The following GPRIN3 variants were observed in gnomAD, a reference collection of about 807,000 sequenced individuals.
GPRIN3 encodes GPRIN family member 3.
Under a neutral mutation model 13.7 loss-of-function variants are expected in GPRIN3, and 12 were observed. The ratio of observed to expected loss-of-function variants is 0.87; its 90% CI spans 0.56 to 1.42. GPRIN3 has a LOEUF of 1.42. Ranked by LOEUF, GPRIN3 falls within the 40% of genes most tolerant of loss-of-function variation. The pLI, the probability that GPRIN3 is intolerant of heterozygous loss-of-function variation, is 0.00. For synonymous variants in GPRIN3, 377 were observed against 372.7 expected (o/e 1.01, Z -0.13); for missense variants, 1,009 against 958.7 (o/e 1.05, Z -0.69).
rs1271701139 is a variant in GPRIN3, at chr4:89,249,547, C to T, written c.564G>A (p.Glu188=). The T allele has an allele frequency of 6.2e-7, 1 of 1,614,150 alleles. No individual in the cohort carries two copies. The highest frequency in any genetic ancestry group is 1.1e-5 in the South Asian group (1 of 91,072). The stretch of plus-strand genomic sequence containing the variant: ...CCTGGATTGTTTCTGGAGAAGGAAA[C>T]TCACAGGACACCTGATCTTTGCTGC... ...LSSSKDQVSC[E]FPSPETIQGT... The change falls in exon 2 of 2, where the codon GAG becomes GAA. Residue 188 remains glutamate (E), a synonymous_variant. Transcript: ENST00000609438.
intron 1 of GPRIN3, among the ~76,000 whole-genome samples, chr4:89,290,959 A>G (rs1301202755): frequency 6.6e-6 from 1 of 152,182 alleles, no homozygotes; most frequent in Non-Finnish European, 1.5e-5. Context: ...CTGTCAGCTG[A>G]CATCCAGGGT....
chr4:89,291,463 T>TA (rs1235577214), intron 1 of GPRIN3, among the ~76,000 whole-genome samples: 2 of 152,236 alleles, frequency 1.3e-5, no homozygotes, highest in African/African-American at 4.8e-5. Context: ...TTAATTAGCA[T>TA]AATGTACTTG....
chr4:89,274,528 A>G (rs957958648), intron 1 of GPRIN3, among the ~76,000 whole-genome samples: 7 of 152,328 alleles, frequency 4.6e-5, no homozygotes, highest in Middle Eastern at 3.4e-3. Context: ...GATAGTAATC[A>G]TGTTGATTTT....
At chr4:89,276,701 A>C (rs1724103285) in intron 1 of GPRIN3, among the ~76,000 whole-genome samples, 1 of 152,240 alleles carries the variant, frequency 6.6e-6, no homozygotes, top group African/African-American at 2.4e-5. Context: ...GCCTATTAGC[A>C]CAGTACAGTG....
chr4:89,274,546 T>C (rs1418656542), intron 1 of GPRIN3, among the ~76,000 whole-genome samples: 2 of 152,148 alleles, frequency 1.3e-5, no homozygotes, highest in Non-Finnish European at 2.9e-5. Flanking sequence ...TTTCACAGTG[T>C]CCCTGAAGGC....
rs140505056 is a variant in GPRIN3, at chr4:89,248,106, C to T, written c.2005G>A (p.Ala669Thr). The change falls in exon 2 of 2, where the codon GCA (alanine) becomes ACA (threonine). Residue 669 changes from alanine (A) to threonine (T), a missense_variant. Coordinates refer to ENST00000609438, the MANE Select transcript of GPRIN3 (RefSeq NM_198281.3). ...TPGDKKKQLG[A>T]DSKLQLKQSK... ...TGTTTCAGCTGGAGCTTGGAGTCTG[C>T]GCCAAGCTGCTTTTTCTTATCTCCT... The T allele has an allele frequency of 3.4e-5, 55 of 1,614,022 alleles. No homozygotes were observed. Among genetic ancestry groups the T allele is most frequent in the African/African-American group, 6.7e-5 (5 of 74,914 alleles).
In GPRIN3 at chr4:89,247,771, T is replaced by C. The variant is rs752570965; in HGVS notation, c.*9A>G. 1.9e-6 allele frequency: 3 copies of C among 1,594,990 alleles called. No individual in the cohort carries two copies. The highest frequency in any genetic ancestry group is 1.7e-5 in the Admixed American group (1 of 58,640). ...AAATTTATACACAAACTCCCATAAA[T>C]ACTCCCTTTCAATCTAACACAGAAG... On this transcript the variant is annotated 3_prime_UTR_variant, in exon 2 of 2. Coordinates refer to ENST00000609438, the MANE Select transcript of GPRIN3 (RefSeq NM_198281.3).
Position 89,248,946 on chromosome 4 carries a change from T to A in GPRIN3, c.1165A>T (p.Met389Leu), listed in dbSNP as rs76496030. 6.2e-6 allele frequency: 10 copies of A among 1,614,186 alleles called. No individual in the cohort carries two copies. In the African/African-American group the frequency reaches 8.0e-5, roughly 13 times the overall value. The change falls in exon 2 of 2, where the codon ATG becomes TTG. Residue 389 changes from methionine to leucine, a missense_variant. Transcript: ENST00000609438. ...GCTGCCTGAATGTGCACCTGTGGCA[T>A]GATGCCAGGGCACTGGCTGGACTCC... ...PQESSQCPGIMPQVHIQAAAA... is the reference protein window; with the variant it reads ...PQESSQCPGILPQVHIQAAAA...
chr4:89,296,156 T>C lies in GPRIN3; in HGVS notation c.-124+11459A>G, dbSNP rs79263680. On this transcript the variant is annotated intron_variant, in intron 1 of 1. Coordinates refer to ENST00000609438, the MANE Select transcript of GPRIN3 (RefSeq NM_198281.3). Reference sequence around the variant, plus strand: ...CTGTGTTACCTCCGGGAACAAAGAGTTTGAATTCTGAAATGACATGAGGTG... The same window carrying C: ...CTGTGTTACCTCCGGGAACAAAGAGCTTGAATTCTGAAATGACATGAGGTG... Among the ~76,000 whole-genome samples, 626 of 151,960 alleles carry C rather than the reference T, an allele frequency of 4.1e-3. 4 individuals are homozygous for C. Among genetic ancestry groups the C allele is most frequent in the South Asian group, 0.019 (93 of 4,806 alleles).
rs2149250868 is a variant in GPRIN3, at chr4:89,246,599, A to C, written c.*1181T>G. ...TATGGGTATTTCTCTTAAAATCAAT[A>C]AGTTTGCAGAAGTTACCTTTTTACT... On this transcript the variant is annotated 3_prime_UTR_variant, in exon 2 of 2. Transcript: ENST00000609438. The C allele has an allele frequency of 6.6e-6, 1 of 152,334 alleles. No homozygotes were observed. Among genetic ancestry groups the C allele is most frequent in the Non-Finnish European group, 1.5e-5 (1 of 68,042 alleles). 9.4% of individuals were successfully genotyped at this position (152,334 alleles called of 1,614,324 possible). A position where few individuals can be genotyped will look rare whatever the true frequency, so the allele number is the denominator to read the frequency against.
chr4:89,289,243 C>T (rs1002159992), intron 1 of GPRIN3, among the ~76,000 whole-genome samples: 7 of 151,246 alleles, frequency 4.6e-5, no homozygotes, highest in Non-Finnish European at 8.8e-5. Context: ...ATAATAAGTG[C>T]GGGCCAGATA....
In GPRIN3 at chr4:89,245,622, T is replaced by C. The variant is rs6532145; in HGVS notation, c.*2158A>G. ...ATTACCTGGGGCCACCCATCTGGAG[T>C]AGGCCCTGTTGACAGCTGCTACTGT... is the stretch of plus-strand genomic sequence containing the variant. On this transcript the variant is annotated 3_prime_UTR_variant, in exon 2 of 2. Coordinates refer to ENST00000609438, the MANE Select transcript of GPRIN3 (RefSeq NM_198281.3). 0.41 allele frequency: 62,756 copies of C among 151,888 alleles called. 13,271 individuals carry two copies. The highest frequency in any genetic ancestry group is 0.56 in the South Asian group (2,698 of 4,814). The allele number at this position is 151,888 out of a possible 1,614,324, so 9.4% of individuals were successfully genotyped here.
chr4:89,300,646 A>G (rs1355953877), intron 1 of GPRIN3, among the ~76,000 whole-genome samples: 1 of 152,136 alleles, frequency 6.6e-6, no homozygotes, highest in African/African-American at 2.4e-5. Context: ...TGCTCTGAGA[A>G]TCCACTTGGG....
At position 89,247,863 on chromosome 4, in the gene GPRIN3, G is replaced by A. The variant is rs368769094; in HGVS notation, c.2248C>T (p.His750Tyr). ...TGCAGCATGGACTGGAAAACACTGT[G>A]CTGCCTTCCTCTGAGCTTCTTATTT... ...SSNKKLRGRQHSVFQSMLQNF... is the reference protein window; with the variant it reads ...SSNKKLRGRQYSVFQSMLQNF... The change falls in exon 2 of 2, where the codon CAC becomes TAC. Residue 750 changes from histidine to tyrosine, a missense_variant. Transcript: ENST00000609438. 6.2e-7 allele frequency: 1 copy of A among 1,614,166 alleles called. No homozygotes were observed.
Position 89,248,848 on chromosome 4 carries a change from T to C in GPRIN3, c.1263A>G (p.Ser421=), listed in dbSNP as rs540560055. The part of the protein sequence containing the change: ...ASLPGGVLKT[S]SINLVSSNAQ... ...CATTACTGGAGACCAAATTGATTGATGAGGTTTTAAGGACCCCACCTGGTA... is the reference window on the plus strand; with the variant it reads ...CATTACTGGAGACCAAATTGATTGACGAGGTTTTAAGGACCCCACCTGGTA... Residue 421 remains serine (S), a synonymous_variant, in exon 2 of 2, where the codon TCA becomes TCG. Coordinates refer to ENST00000609438, the MANE Select transcript of GPRIN3 (RefSeq NM_198281.3). The C allele has an allele frequency of 1.2e-5, 20 of 1,614,180 alleles. No homozygotes were observed. The highest frequency in any genetic ancestry group is 1.7e-5 in the Admixed American group (1 of 60,028).
chr4:89,296,228 T>C (rs1724729163), intron 1 of GPRIN3, among the ~76,000 whole-genome samples: 1 of 152,118 alleles, frequency 6.6e-6, no homozygotes, highest in African/African-American at 2.4e-5. Context: ...ATAAGACTAA[T>C]GCCTCTAGGT....
At chr4:89,296,655 G>T (rs1247842633) in intron 1 of GPRIN3, among the ~76,000 whole-genome samples, 1 of 152,158 alleles carries the variant, frequency 6.6e-6, no homozygotes, top group Non-Finnish European at 1.5e-5. Context: ...TCTTGTTTGT[G>T]TGTGTGTGTG....
Position 89,249,940 on chromosome 4 carries a change from G to C in GPRIN3, c.171C>G (p.Ser57Arg). 1 of 1,614,230 alleles carries C rather than the reference G, an allele frequency of 6.2e-7. No homozygotes were observed. Among genetic ancestry groups the C allele is most frequent in the Non-Finnish European group, 8.5e-7 (1 of 1,180,028 alleles). Residue 57 changes from serine to arginine, a missense_variant, in exon 2 of 2, where the codon AGC becomes AGG. Ser to Arg is a moderately radical substitution (Grantham distance 110). Transcript: ENST00000609438. ...TCAGGGCTTCGGCAGCTGCCCTGGG[G>C]CTGAGGTCTGGTTCTGCAGGGGCAC... The part of the protein sequence containing the change: ...FSGAPAEPDL[S>R]PRAAAEALMQ...
rs531594611 is a variant in GPRIN3 at position 89,240,389 on chromosome 4, G to C, written c.*7391C>G. ...AAATCTTTGACTTCTCTTCGGTGTTGGTAGGCATAGTTTTGCTGAGCTCAA... is the reference window on the plus strand; with the variant it reads ...AAATCTTTGACTTCTCTTCGGTGTTCGTAGGCATAGTTTTGCTGAGCTCAA... On this transcript the variant is annotated 3_prime_UTR_variant, in exon 2 of 2. Transcript: ENST00000609438. 3.3e-5 allele frequency: 5 copies of C among 152,110 alleles called. No individual in the cohort carries two copies. The highest frequency in any genetic ancestry group is 2.1e-4 in the South Asian group (1 of 4,826). 9.4% of individuals were successfully genotyped at this position (152,110 alleles called of 1,614,324 possible).
Sources: gnomAD v4.1 joint callset for allele counts (sites outside exome capture counted in the v4.1 genomes callset) on GRCh38, gnomAD v4.1.1 for gene constraint, MANE v1.5 for transcripts, NCBI Gene and HGNC (gene_info 2026-07-23, HGNC 2026-07-21) for gene names.